Variants in GABRB2 observed in about 807,000 individuals in gnomAD.
GABRB2 encodes gamma-aminobutyric acid type A receptor subunit beta2.
GABRB2 carries 16 observed loss-of-function variants against 54.7 expected under a neutral mutation model. The observed-to-expected ratio is 0.29, with a 90% CI of 0.20 to 0.44. The LOEUF (loss-of-function observed/expected upper bound fraction) is 0.44, where lower values mean the gene tolerates loss of function less well. Ranked by LOEUF, GABRB2 falls within the 20% of genes least tolerant of loss-of-function variation. The pLI, the probability that GABRB2 is intolerant of heterozygous loss-of-function variation, is 1.00. For missense variants in GABRB2, 355 were observed against 644.0 expected (o/e 0.55, Z 4.86); for synonymous variants, 244 against 233.8 (o/e 1.04, Z -0.40).
intron 3 of GABRB2, among the ~76,000 whole-genome samples, chr5:161,521,704 G>A (rs764193495): frequency 2.0e-5 from 3 of 151,812 alleles, no homozygotes; most frequent in Non-Finnish European, 2.9e-5. Flanking sequence ...ATCAGGAAAC[G>A]CCACTGGTAA....
intron 4 of GABRB2, among the ~76,000 whole-genome samples, chr5:161,430,918 C>T (rs912537152): frequency 6.6e-6 from 1 of 152,082 alleles, no homozygotes; most frequent in Non-Finnish European, 1.5e-5. Context: ...TTTTATAATT[C>T]ATTACAAGAT....
At chr5:161,451,911 T>A (rs1412639660) in intron 4 of GABRB2, among the ~76,000 whole-genome samples, 3 of 152,162 alleles carry the variant, frequency 2.0e-5, no homozygotes, top group African/African-American at 7.2e-5. Flanking sequence ...TTTATTTTCA[T>A]AAGAACTATA....
At chr5:161,456,936 T>C (rs1360248170) in intron 4 of GABRB2, among the ~76,000 whole-genome samples, 2 of 152,158 alleles carry the variant, frequency 1.3e-5, no homozygotes, top group African/African-American at 4.8e-5. Context: ...TTTAGCATTA[T>C]ATAAAATGGA....
chr5:161,466,020 T>A (rs1162064795), intron 3 of GABRB2, among the ~76,000 whole-genome samples: 1 of 152,052 alleles, frequency 6.6e-6, no homozygotes, highest in Non-Finnish European at 1.5e-5. Flanking sequence ...TACTTATGCT[T>A]CTTAACCTTC....
At position 161,294,314 on chromosome 5, in the gene GABRB2, C is replaced by T. The variant is rs1757320815; in HGVS notation, c.1306G>A (p.Ala436Thr). The change falls in exon 10 of 10, where the codon GCC (alanine) becomes ACC (threonine). Residue 436 changes from alanine (A) to threonine (T), a missense_variant. Transcript: ENST00000393959. ...DPRSTMLAYD[A>T]SSIQYRKAGL... ...GCTTTCCGATACTGGATGCTGGAGGCATCATAGGCTAGCATTGTGCTTCTG... is the reference window on the plus strand; with the variant it reads ...GCTTTCCGATACTGGATGCTGGAGGTATCATAGGCTAGCATTGTGCTTCTG... 1 of 1,614,110 alleles carries T rather than the reference C, an allele frequency of 6.2e-7. No individual in the cohort carries two copies. Among genetic ancestry groups the T allele is most frequent in the Non-Finnish European group, 8.5e-7 (1 of 1,180,004 alleles).
intron 3 of GABRB2, among the ~76,000 whole-genome samples, chr5:161,504,649 A>C (rs1012176138): frequency 6.6e-6 from 1 of 152,086 alleles, no homozygotes; most frequent in African/African-American, 2.4e-5. Context: ...AATTTTAAAA[A>C]GAAATGCAAA....
rs558569937 is a variant in GABRB2 at position 161,402,971 on chromosome 5, C to T, written c.541+8004G>A. ...TTTGAATTTTTTAAAAAATCCCCAG[C>T]GATTTTATAATATGCAGCAAGGTTG... is the stretch of plus-strand genomic sequence containing the variant. On this transcript the variant is annotated intron_variant, in intron 5 of 9. Transcript: ENST00000393959. 5.0e-4 allele frequency among the ~76,000 whole-genome samples: 76 copies of T among 152,172 alleles called. No homozygotes were observed. In the South Asian group the frequency reaches 0.016, roughly 32 times the overall value.
At chr5:161,513,637 G>A (rs1759845949) in intron 3 of GABRB2, among the ~76,000 whole-genome samples, 1 of 151,942 alleles carries the variant, frequency 6.6e-6, no homozygotes, top group Admixed American at 6.6e-5. Flanking sequence ...AGTAGGGGAG[G>A]GAGGACAATG....
At chr5:161,481,264 T>G (rs1758754479) in intron 3 of GABRB2, among the ~76,000 whole-genome samples, 2 of 152,032 alleles carry the variant, frequency 1.3e-5, no homozygotes, top group South Asian at 4.1e-4. Flanking sequence ...ACTGGCAGAA[T>G]CTTTGTAACT....
chr5:161,496,818 G>A (rs1759262905), intron 3 of GABRB2, among the ~76,000 whole-genome samples: 1 of 151,938 alleles, frequency 6.6e-6, no homozygotes, highest in African/African-American at 2.4e-5. Context: ...AACTAATATT[G>A]ATAACTCTGC....
intron 5 of GABRB2, among the ~76,000 whole-genome samples, chr5:161,356,532 T>C (rs1227110038): frequency 2.0e-5 from 3 of 152,150 alleles, no homozygotes; most frequent in Admixed American, 2.0e-4. Flanking sequence ...TATCATATTC[T>C]TTTCTTAAAA....
chr5:161,357,499 T>C (rs1310815202), intron 5 of GABRB2, among the ~76,000 whole-genome samples: 1 of 141,400 alleles, frequency 7.1e-6, no homozygotes, highest in Non-Finnish European at 1.5e-5. Flanking sequence ...GTTTTCACTA[T>C]TATGAGTGAG....
chr5:161,395,120 T>C (rs1755955582), intron 5 of GABRB2, among the ~76,000 whole-genome samples: 1 of 152,160 alleles, frequency 6.6e-6, no homozygotes, highest in Admixed American at 6.5e-5. Context: ...GATCATCCAC[T>C]GAAGGGGCTA....
At chr5:161,348,156 C>A (rs1485999641) in intron 5 of GABRB2, among the ~76,000 whole-genome samples, 1 of 151,980 alleles carries the variant, frequency 6.6e-6, no homozygotes, top group East Asian at 1.9e-4. Context: ...CTTTATACTG[C>A]AACATTATTA....
chr5:161,540,149 A>G (rs1305773354), intron 3 of GABRB2, among the ~76,000 whole-genome samples: 2 of 152,222 alleles, frequency 1.3e-5, no homozygotes, highest in Non-Finnish European at 2.9e-5. Context: ...CCCACAGCAG[A>G]AATTCTTTCA....
At chr5:161,468,264 G>A (rs1758334621) in intron 3 of GABRB2, among the ~76,000 whole-genome samples, 1 of 152,010 alleles carries the variant, frequency 6.6e-6, no homozygotes, top group Non-Finnish European at 1.5e-5. Context: ...TATTACGATG[G>A]CCTTTAAGGC....
At chr5:161,405,428 A>T (rs919755520) in intron 5 of GABRB2, among the ~76,000 whole-genome samples, 3 of 152,102 alleles carry the variant, frequency 2.0e-5, no homozygotes, top group Non-Finnish European at 4.4e-5. Flanking sequence ...CTCTATCTTG[A>T]TTATCTTATT....
At chr5:161,484,158 A>G (rs1032113289) in intron 3 of GABRB2, among the ~76,000 whole-genome samples, 1 of 151,952 alleles carries the variant, frequency 6.6e-6, no homozygotes, top group Admixed American at 6.6e-5. Context: ...CATTCCATCA[A>G]TTTGTTAAAT....
chr5:161,545,200 G>T lies in GABRB2; in HGVS notation c.237+27C>A, dbSNP rs1251941060. On this transcript the variant is annotated intron_variant, in intron 3 of 9. Coordinates refer to ENST00000393959, the MANE Select transcript of GABRB2 (RefSeq NM_001371727.1). ...CTGTCCCCAAACGAAAGTTTGCAAA[G>T]AAGTAGTCATAAATGTCAATACTCA... 1.9e-6 allele frequency: 3 copies of T among 1,556,714 alleles called. No individual in the cohort carries two copies. In the Admixed American group the frequency reaches 5.6e-5, roughly 29 times the overall value.
Sources: gnomAD v4.1 joint callset for allele counts (sites outside exome capture counted in the v4.1 genomes callset) on GRCh38, gnomAD v4.1.1 for gene constraint, MANE v1.5 for transcripts, NCBI Gene and HGNC (gene_info 2026-07-23, HGNC 2026-07-21) for gene names.